The following CNOT11 variants were observed in gnomAD, a reference collection of about 807,000 sequenced individuals.
The protein encoded by CNOT11 is UPF0760 protein C2orf29.
CNOT11 carries 18 observed loss-of-function variants against 44.6 expected under a neutral mutation model. The ratio of observed to expected loss-of-function variants is 0.40; its 90% confidence interval spans 0.28 to 0.60. The LOEUF is 0.60. CNOT11 is among the 20% of genes least tolerant of loss of function. CNOT11 has a pLI of 0.38. For synonymous variants in CNOT11, 291 were observed against 270.9 expected, an observed-to-expected ratio of 1.07 and a Z score of -0.73; for missense variants, 513 against 677.0, an observed-to-expected ratio of 0.76 and a Z score of 2.69.
chr2:101,253,570 A>G lies in CNOT11; in HGVS notation c.514+92A>G, dbSNP rs1431019415. On this transcript the variant is annotated intron_variant, in intron 1 of 6. Transcript: ENST00000289382. The surrounding 1 kb of genome is among the most constrained non-coding windows in gnomAD (Gnocchi z 4.3). The stretch of plus-strand genomic sequence containing the variant: ...TGGGAACTCACCTGAAAGGGAAATT[A>G]ACTATCCCTGTGAAATGATCATCCT... 7.1e-6 allele frequency: 8 copies of G among 1,119,796 alleles called. No homozygotes were observed. The highest frequency in any genetic ancestry group is 1.7e-5 in the African/African-American group (1 of 60,196). The allele number at this position is 1,119,796 out of a possible 1,614,324, so 69.4% of individuals were successfully genotyped here. A position where few individuals can be genotyped will look rare whatever the true frequency, so the allele number is the denominator to read the frequency against.
intron 2 of CNOT11, among the ~76,000 whole-genome samples, chr2:101,261,338 T>A (rs889217905): frequency 1.3e-5 from 2 of 152,212 alleles, no homozygotes; most frequent in Non-Finnish European, 2.9e-5. Flanking sequence ...TATTCTCTTG[T>A]GCCTTCCTTC....
At position 101,269,672 on chromosome 2, in the gene CNOT11, A is replaced by C; in HGVS notation, c.*259A>C. 1 of 344,450 alleles carries C rather than the reference A, an allele frequency of 2.9e-6. No homozygotes were observed. The highest frequency in any genetic ancestry group is 1.1e-4 in the South Asian group (1 of 9,352). 21.3% of individuals were successfully genotyped at this position (344,450 alleles called of 1,614,324 possible). On this transcript the variant is annotated 3_prime_UTR_variant, in exon 7 of 7. Coordinates refer to ENST00000289382, the MANE Select transcript of CNOT11 (RefSeq NM_017546.5). The surrounding 1 kb of genome is among the most constrained non-coding windows in gnomAD (Gnocchi z 4.8). ...GGCTATCCCAAAAAAAGTTCCGCAAAAAAGTAGATGAGTTTCTTTTTTTTT... is the reference window on the plus strand; with the variant it reads ...GGCTATCCCAAAAAAAGTTCCGCAACAAAGTAGATGAGTTTCTTTTTTTTT...
In CNOT11 at chr2:101,266,770, G is replaced by A; in HGVS notation, c.1129G>A (p.Val377Ile). ...LPDLVENNPL[V>I]AIEMLLKLMQ... ...TGACCTTGTGGAAAACAACCCTTTA[G>A]TCGCTATAGAAATGTTGCTGAAATT... Residue 377 changes from valine (V) to isoleucine (I), a missense_variant, in exon 5 of 7, where the codon GTC (valine) becomes ATC (isoleucine). This residue lies in a region of CNOT11 where 87 missense variants were observed against 185.4 expected (regional missense o/e 0.47). Transcript: ENST00000289382. 6.2e-7 allele frequency: 1 copy of A among 1,614,036 alleles called. No homozygotes were observed. The highest frequency in any genetic ancestry group is 8.5e-7 in the Non-Finnish European group (1 of 1,179,964).
At chr2:101,258,067 C>A in intron 2 of CNOT11, 112 bp downstream of exon 2, 1 of 1,126,960 alleles carries the variant, frequency 8.9e-7, no homozygotes, top group Non-Finnish European at 1.2e-6. Flanking sequence ...TAGTATCATC[C>A]ATTTTAAAAA....
intron 5 of CNOT11, among the ~76,000 whole-genome samples, chr2:101,267,868 C>T (rs1682024552): frequency 6.6e-6 from 1 of 152,134 alleles, no homozygotes; most frequent in Admixed American, 6.6e-5. Flanking sequence ...TTATATGGTC[C>T]TCCTGTATGG....
intron 5 of CNOT11, 23 bp downstream of exon 5, chr2:101,266,902 A>G (rs1461610322): frequency 1.3e-6 from 2 of 1,558,512 alleles, no homozygotes; most frequent in African/African-American, 1.4e-5. Flanking sequence ...ATTTGATCAA[A>G]TGTGTGGGGA....
intron 3 of CNOT11, among the ~76,000 whole-genome samples, chr2:101,263,640 A>G (rs1362849796): frequency 1.3e-5 from 2 of 152,244 alleles, no homozygotes; most frequent in African/African-American, 4.8e-5. Context: ...GTGTAGTATC[A>G]CCATGAGTTT....
At position 101,269,515 on chromosome 2, in the gene CNOT11, A is replaced by G. The variant is rs1682062735; in HGVS notation, c.*102A>G. Reference sequence around the variant, plus strand: ...GTGGATTGCTTGGTTTAATGCATATAAACAGTACTTTATCTACTTAAAGCA... The same window carrying G: ...GTGGATTGCTTGGTTTAATGCATATGAACAGTACTTTATCTACTTAAAGCA... On this transcript the variant is annotated 3_prime_UTR_variant, in exon 7 of 7. Coordinates refer to ENST00000289382, the MANE Select transcript of CNOT11 (RefSeq NM_017546.5). The surrounding 1 kb of genome is among the most constrained non-coding windows in gnomAD (Gnocchi z 4.8). 2.1e-6 allele frequency: 2 copies of G among 973,914 alleles called. No homozygotes were observed. Among genetic ancestry groups the G allele is most frequent in the South Asian group, 1.7e-5 (1 of 60,390 alleles). The allele number at this position is 973,914 out of a possible 1,614,324, so 60.3% of individuals were successfully genotyped here. A position where few individuals can be genotyped will look rare whatever the true frequency, so the allele number is the denominator to read the frequency against.
At chr2:101,268,625 ATCT>A (rs942223258) in intron 5 of CNOT11, among the ~76,000 whole-genome samples, 13 of 152,152 alleles carry the variant, frequency 8.5e-5, no homozygotes, top group African/African-American at 3.1e-4. Context: ...GCATATATTA[ATCT>A]TCTTTTGGAA....
In CNOT11 at chr2:101,257,784, T is replaced by G. The variant is rs1487674476; in HGVS notation, c.515-7T>G. ...TTGGAGAAATCGTTATACATTTTTG[T>G]TTGCAGGATTTTTACCTCCTATAAC... is the stretch of plus-strand genomic sequence containing the variant. On this transcript the variant is annotated splice_polypyrimidine_tract_variant and splice_region_variant and intron_variant, in intron 1 of 6. Transcript: ENST00000289382. 1 of 1,600,316 alleles carries G rather than the reference T, an allele frequency of 6.2e-7. No homozygotes were observed. Among genetic ancestry groups the G allele is most frequent in the Non-Finnish European group, 8.5e-7 (1 of 1,173,050 alleles).
Position 101,253,472 on chromosome 2 carries a change from C to T in CNOT11, c.508C>T (p.Leu170Phe), listed in dbSNP as rs1209810142. ...RGGQEPDRPP[L>F]SGFLPPITPP... is the part of the protein sequence containing the mutation. ...CGGCCAGGAACCCGACCGCCCTCCGCTCTCAGGTACCTCCTGAAGCCAGCT... is the reference window on the plus strand; with the variant it reads ...CGGCCAGGAACCCGACCGCCCTCCGTTCTCAGGTACCTCCTGAAGCCAGCT... The change falls in exon 1 of 7, where the codon CTC becomes TTC. Residue 170 changes from leucine to phenylalanine, a missense_variant. Physicochemically the swap from Leu to Phe is conservative, Grantham distance 22. Coordinates refer to ENST00000289382, the MANE Select transcript of CNOT11 (RefSeq NM_017546.5). This position sits in a 1 kb window ranked among gnomAD's most constrained non-coding sequence, Gnocchi z 4.3. The T allele has an allele frequency of 6.8e-7, 1 of 1,479,712 alleles. No individual in the cohort carries two copies. The highest frequency in any genetic ancestry group is 2.5e-5 in the Admixed American group (1 of 40,578). The allele number at this position is 1,479,712 out of a possible 1,614,324, so 91.7% of individuals were successfully genotyped here.
intron 2 of CNOT11, 66 bp from the exon 3 acceptor site, chr2:101,262,473 A>T (rs896324598): frequency 4.8e-6 from 7 of 1,451,188 alleles, no homozygotes; most frequent in Non-Finnish European, 6.7e-6. Flanking sequence ...AGCTTGCCTC[A>T]GTTGGTAGCT....
At chr2:101,267,499 T>C (rs1573204336) in intron 5 of CNOT11, among the ~76,000 whole-genome samples, 1 of 152,058 alleles carries the variant, frequency 6.6e-6, no homozygotes, top group Non-Finnish European at 1.5e-5. Context: ...TTTTTCTTAG[T>C]GACTAACAGC....
chr2:101,266,640 C>G, intron 4 of CNOT11, 37 bp from the exon 5 acceptor site: 1 of 1,510,360 alleles, frequency 6.6e-7, no homozygotes, highest in Non-Finnish European at 9.2e-7. Context: ...CCCTTTCTCT[C>G]TCCCTCTCTC....
In CNOT11 at chr2:101,269,523, C is replaced by T; in HGVS notation, c.*110C>T. Reference sequence around the variant, plus strand: ...CTTGGTTTAATGCATATAAACAGTACTTTATCTACTTAAAGCAAAGTTTTG... The same window carrying T: ...CTTGGTTTAATGCATATAAACAGTATTTTATCTACTTAAAGCAAAGTTTTG... On this transcript the variant is annotated 3_prime_UTR_variant, in exon 7 of 7. Transcript: ENST00000289382. The surrounding 1 kb of genome is among the most constrained non-coding windows in gnomAD (Gnocchi z 4.8). 1 of 857,988 alleles carries T rather than the reference C, an allele frequency of 1.2e-6. No homozygotes were observed. The highest frequency in any genetic ancestry group is 1.8e-6 in the Non-Finnish European group (1 of 569,630). The allele number at this position is 857,988 out of a possible 1,614,324, so 53.1% of individuals were successfully genotyped here. A position where few individuals can be genotyped will look rare whatever the true frequency, so the allele number is the denominator to read the frequency against.
chr2:101,265,433 A>T (rs1433035011), intron 4 of CNOT11, among the ~76,000 whole-genome samples: 2 of 149,670 alleles, frequency 1.3e-5, no homozygotes, highest in African/African-American at 4.9e-5. Context: ...ACAAGAGTTT[A>T]TTTTTTTTTT....
At chr2:101,258,643 T>TC (rs1681786250) in intron 2 of CNOT11, among the ~76,000 whole-genome samples, 2 of 151,670 alleles carry the variant, frequency 1.3e-5, no homozygotes, top group South Asian at 4.2e-4. Flanking sequence ...CTGTCAAAAT[T>TC]CCAACAGTGT....
intron 1 of CNOT11, among the ~76,000 whole-genome samples, chr2:101,255,682 CTG>C (rs1681722327): frequency 6.6e-6 from 1 of 152,062 alleles, no homozygotes; most frequent in African/African-American, 2.4e-5. Context: ...TCAGATGACT[CTG>C]AACAGAGGCA....
At chr2:101,267,004 T>A in intron 5 of CNOT11, 125 bp downstream of exon 5, 1 of 680,430 alleles carries the variant, frequency 1.5e-6, no homozygotes, top group Non-Finnish European at 2.5e-6. Flanking sequence ...AGAAATAATG[T>A]AAGCCTTAGC....
Sources: allele counts gnomAD v4.1 joint callset (sites outside exome capture counted in the v4.1 genomes callset), GRCh38; gene constraint gnomAD v4.1.1; regional missense constraint gnomAD v4.1.1; non-coding constraint Gnocchi (gnomAD v3.1); transcripts MANE v1.5; gene names NCBI Gene and HGNC (gene_info 2026-07-23, HGNC 2026-07-21).